The following DHX35 variants were observed in gnomAD, a reference collection of about 807,000 sequenced individuals.
DHX35 encodes the protein DEAH-box helicase 35.
In DHX35, 84 loss-of-function variants were observed where a neutral mutation model predicts 99.6. The observed-to-expected ratio is 0.84, with a 90% CI of 0.71 to 1.01. The LOEUF (loss-of-function observed/expected upper bound fraction) is 1.01. DHX35 is among the 50% of genes least tolerant of loss of function. The pLI is 0.00. For missense variants in DHX35, 852 were observed against 888.5 expected (o/e 0.96, Z 0.52); for synonymous variants, 331 against 316.2 (o/e 1.05, Z -0.50).
intron 12 of DHX35, among the ~76,000 whole-genome samples, chr20:39,009,015 G>A (rs967539739): frequency 5.9e-5 from 9 of 152,140 alleles, no homozygotes; most frequent in African/African-American, 2.2e-4. Flanking sequence ...TATCACTGAA[G>A]CTTTTCAAGG....
chr20:39,011,907 A>T (rs1259587218), intron 13 of DHX35, among the ~76,000 whole-genome samples: 3 of 152,192 alleles, frequency 2.0e-5, no homozygotes, highest in African/African-American at 7.2e-5. Context: ...AAGTATAGGG[A>T]AAATGGACCC....
chr20:38,974,266 A>T (rs1168371934), intron 3 of DHX35, among the ~76,000 whole-genome samples: 2 of 152,222 alleles, frequency 1.3e-5, no homozygotes, highest in Non-Finnish European at 2.9e-5. Flanking sequence ...CTAGAGAAGG[A>T]TGGTGTAACG....
At chr20:38,992,295 C>G (rs2086351688) in intron 6 of DHX35, 61 bp from the exon 7 acceptor site, 1 of 1,405,548 alleles carries the variant, frequency 7.1e-7, no homozygotes, top group Non-Finnish European at 1.0e-6. Context: ...CTTTGATGGT[C>G]TAGATGAGAT....
intron 4 of DHX35, among the ~76,000 whole-genome samples, chr20:38,985,872 T>G (rs1400746828): frequency 1.3e-5 from 2 of 152,206 alleles, no homozygotes; most frequent in African/African-American, 4.8e-5. Flanking sequence ...CAGAAAGTAC[T>G]TTATGTGCAG....
At chr20:38,989,120 C>G (rs1186826304) in intron 5 of DHX35, among the ~76,000 whole-genome samples, 1 of 133,250 alleles carries the variant, frequency 7.5e-6, no homozygotes, top group Non-Finnish European at 1.6e-5. Flanking sequence ...TTTTTTGAGA[C>G]AGAGTCTCTC....
chr20:38,991,769 T>A (rs1311261298), intron 6 of DHX35, among the ~76,000 whole-genome samples: 1 of 152,208 alleles, frequency 6.6e-6, no homozygotes, highest in Non-Finnish European at 1.5e-5. Context: ...TTATTTTGCC[T>A]TGTCACACTC....
chr20:38,981,990 CTCATTGCTACGAGATG>C (rs1428290597), intron 3 of DHX35, among the ~76,000 whole-genome samples: 4 of 150,686 alleles, frequency 2.7e-5, no homozygotes, highest in Non-Finnish European at 5.9e-5. Flanking sequence ...TGCTAGAGTG[CTCATTGCTACGAGATG>C]TCATTGCTGA....
intron 20 of DHX35, among the ~76,000 whole-genome samples, chr20:39,031,385 G>A (rs191427845): frequency 1.0e-4 from 15 of 149,998 alleles, no homozygotes; most frequent in African/African-American, 3.4e-4. Flanking sequence ...CCAGGCTGGA[G>A]TGCAGTGACG....
In DHX35 at chr20:38,973,332, T is replaced by C. The variant is rs1179257296; in HGVS notation, c.267+681T>C. Among the ~76,000 whole-genome samples the C allele has an allele frequency of 3.9e-5, 6 of 152,216 alleles. No individual in the cohort carries two copies. The East Asian group carries it at 1.2e-3, about 29-fold the overall frequency. On this transcript the variant is annotated intron_variant, in intron 3 of 21. Coordinates refer to ENST00000252011, the MANE Select transcript of DHX35 (RefSeq NM_021931.4). Reference sequence around the variant, plus strand: ...TAATTTTCTTGAGGTATGACATATATGTAGGAAAGTACCTATATCATAATT... The same window carrying C: ...TAATTTTCTTGAGGTATGACATATACGTAGGAAAGTACCTATATCATAATT...
At chr20:39,038,469 C>G (rs369112352) in intron 21 of DHX35, 30 bp from the exon 22 acceptor site, 1 of 1,613,270 alleles carries the variant, frequency 6.2e-7, no homozygotes, top group African/African-American at 1.3e-5. Context: ...CTAATCAACC[C>G]CAACTGTAGT....
intron 3 of DHX35, among the ~76,000 whole-genome samples, chr20:38,980,844 A>G (rs530555939): frequency 6.6e-6 from 1 of 152,250 alleles, no homozygotes; most frequent in South Asian, 2.1e-4. Flanking sequence ...TAGTTCTAGG[A>G]TCCTACATTG....
At chr20:39,037,567 T>C (rs1170216784) in intron 21 of DHX35, among the ~76,000 whole-genome samples, 1 of 152,224 alleles carries the variant, frequency 6.6e-6, no homozygotes, top group South Asian at 2.1e-4. Context: ...CGGCTTGATG[T>C]TGTGGGGCCA....
At chr20:39,031,790 C>G (rs1441159662) in intron 20 of DHX35, among the ~76,000 whole-genome samples, 4 of 152,180 alleles carry the variant, frequency 2.6e-5, no homozygotes, top group Non-Finnish European at 5.9e-5. Flanking sequence ...TCATTCTGAA[C>G]CTGGAAACAA....
Position 38,983,762 on chromosome 20 carries a change from G to A in DHX35, c.331G>A (p.Val111Met), listed in dbSNP as rs1256698417. 6.2e-7 allele frequency: 1 copy of A among 1,613,916 alleles called. No individual in the cohort carries two copies. Among genetic ancestry groups the A allele is most frequent in the South Asian group, 1.1e-5 (1 of 91,052 alleles). Residue 111 changes from valine to methionine, a missense_variant, in exon 4 of 22, where the codon GTG (valine) becomes ATG (methionine). By Grantham distance (21) the Val-to-Met change is conservative. Coordinates refer to ENST00000252011, the MANE Select transcript of DHX35 (RefSeq NM_021931.4). The part of the protein sequence containing the change: ...RVVGVTQPRR[V>M]AAVTVAGRVA... ...GGTAGGAGTGACCCAGCCTCGAAGA[G>A]TGGCTGCTGTTACAGTGAGTTTCTT...
At chr20:39,018,920 T>G in intron 15 of DHX35, 21 bp downstream of exon 15, 1 of 1,611,230 alleles carries the variant, frequency 6.2e-7, no homozygotes, top group East Asian at 2.2e-5. Flanking sequence ...CCTGATAGCT[T>G]GAATTGATTT....
intron 8 of DHX35, 93 bp downstream of exon 8, chr20:38,994,973 G>C (rs2086404400): frequency 9.2e-7 from 1 of 1,089,862 alleles, no homozygotes; most frequent in Admixed American, 1.9e-5. Flanking sequence ...GCTTATCTTT[G>C]GCAGAATGCC....
intron 16 of DHX35, among the ~76,000 whole-genome samples, chr20:39,022,870 G>C (rs1463983121): frequency 6.6e-6 from 1 of 152,094 alleles, no homozygotes; most frequent in East Asian, 1.9e-4. Context: ...ATAGAGGTAG[G>C]TCAGAGATGA....
At chr20:39,027,465 C>T (rs778086207) in intron 18 of DHX35, among the ~76,000 whole-genome samples, 1 of 152,042 alleles carries the variant, frequency 6.6e-6, no homozygotes, top group Non-Finnish European at 1.5e-5. Context: ...AAAAAATTCA[C>T]AAAAGAAGAA....
chr20:39,003,603 C>T, intron 10 of DHX35, 146 bp from the exon 11 acceptor site: 1 of 877,968 alleles, frequency 1.1e-6, no homozygotes, highest in Non-Finnish European at 1.7e-6. Context: ...TAAATACCAT[C>T]CCAGAGTGGA....
Sources: gnomAD v4.1 joint callset for allele counts (sites outside exome capture counted in the v4.1 genomes callset) on GRCh38, gnomAD v4.1.1 for gene constraint, MANE v1.5 for transcripts, NCBI Gene and HGNC (gene_info 2026-07-23, HGNC 2026-07-21) for gene names.